The following RAB3GAP2 variants were observed in gnomAD, a reference collection of about 807,000 sequenced individuals.
RAB3GAP2 encodes rab3 GTPase-activating protein non-catalytic subunit.
A neutral mutation model predicts 185.3 loss-of-function variants in RAB3GAP2; 87 were observed. That is an observed-to-expected ratio of 0.47 (90% confidence interval 0.39 to 0.56). RAB3GAP2 has a LOEUF of 0.56. Ranked by LOEUF, RAB3GAP2 falls within the 20% of genes least tolerant of loss-of-function variation. The pLI is 0.00. For missense variants in RAB3GAP2, 1,492 were observed against 1,638.2 expected (o/e 0.91, Z 1.54); for synonymous variants, 554 against 576.1 (o/e 0.96, Z 0.55).
Position 220,232,863 on chromosome 1 carries a change from C to T in RAB3GAP2, c.116G>A (p.Ser39Asn), listed in dbSNP as rs750540547. 4 of 1,613,318 alleles carry T rather than the reference C, an allele frequency of 2.5e-6. No homozygotes were observed. In the African/African-American group the frequency reaches 5.3e-5, roughly 22 times the overall value. Residue 39 changes from serine to asparagine, a missense_variant and splice_region_variant, in exon 2 of 35, where the codon AGT becomes AAT. Transcript: ENST00000358951. The part of the protein sequence containing the change: ...ILSGALRRDP[S>N]KSTDWEDDGW... ...ATCATCTTCCCAGTCTGTTGATTTACCTGTTTTTAAAAAGATGAACAATGC... is the reference window on the plus strand; with the variant it reads ...ATCATCTTCCCAGTCTGTTGATTTATCTGTTTTTAAAAAGATGAACAATGC...
chr1:220,205,132 C>T (rs2102877241), intron 8 of RAB3GAP2, among the ~76,000 whole-genome samples: 1 of 152,202 alleles, frequency 6.6e-6, no homozygotes, highest in South Asian at 2.1e-4. Flanking sequence ...AGTTTTTCTT[C>T]TTAGTGGTAC....
At chr1:220,154,814 T>C (rs186974277) in intron 31 of RAB3GAP2, among the ~76,000 whole-genome samples, 8 of 150,204 alleles carry the variant, frequency 5.3e-5, no homozygotes, top group African/African-American at 2.0e-4. Context: ...TCCACCTTCC[T>C]GGTTCAAGCG....
chr1:220,170,836 G>T (rs1203807653), intron 24 of RAB3GAP2, 56 bp downstream of exon 24: 3 of 1,417,082 alleles, frequency 2.1e-6, no homozygotes, highest in Non-Finnish European at 2.0e-6. Context: ...TCTATTAAAA[G>T]AAACCCTCGT....
intron 1 of RAB3GAP2, chr1:220,267,310 G>A (rs772836849): frequency 9.8e-5 from 95 of 972,046 alleles, no homozygotes; most frequent in Admixed American, 2.0e-4. Flanking sequence ...GACTCTGGTG[G>A]CATCATGGAA....
At chr1:220,207,565 G>C (rs1470676072) in intron 7 of RAB3GAP2, 3 of 152,230 alleles carry the variant, frequency 2.0e-5, no homozygotes, top group African/African-American at 7.2e-5. Flanking sequence ...AAACCAGTGG[G>C]GAAGGGACAT....
rs1657707686 is a variant in RAB3GAP2, at chr1:220,149,661, A to G, written c.*1590T>C. On this transcript the variant is annotated 3_prime_UTR_variant, in exon 35 of 35. Transcript: ENST00000358951. ...CAAGCAGAGGCTGGGAGGTTGGACT[A>G]GCCCTTTCCAGTGCTGCTACTCTGT... 6.6e-6 allele frequency: 1 copy of G among 152,268 alleles called. No individual in the cohort carries two copies. The highest frequency in any genetic ancestry group is 6.5e-5 in the Admixed American group (1 of 15,278). The allele number at this position is 152,268 out of a possible 1,614,324, so 9.4% of individuals were successfully genotyped here.
rs1657712805 is a variant in RAB3GAP2, at chr1:220,149,849, C to T, written c.*1402G>A. On this transcript the variant is annotated 3_prime_UTR_variant, in exon 35 of 35. Coordinates refer to ENST00000358951, the MANE Select transcript of RAB3GAP2 (RefSeq NM_012414.4). ...GGATGTGCTCTTTTAGCTCAAAAAA[C>T]AGATTTGTTTTTCTTTTTATATCCC... The T allele has an allele frequency of 6.6e-6, 1 of 152,176 alleles. No individual in the cohort carries two copies. Among genetic ancestry groups the T allele is most frequent in the Non-Finnish European group, 1.5e-5 (1 of 68,020 alleles). The allele number at this position is 152,176 out of a possible 1,614,324, so 9.4% of individuals were successfully genotyped here. A position where few individuals can be genotyped will look rare whatever the true frequency, so the allele number is the denominator to read the frequency against.
intron 1 of RAB3GAP2, among the ~76,000 whole-genome samples, chr1:220,262,028 A>C (rs899519572): frequency 6.6e-6 from 1 of 151,650 alleles, no homozygotes; most frequent in Non-Finnish European, 1.5e-5. Context: ...GGTGGCTCAC[A>C]CCTGTAATCC....
At chr1:220,268,623 T>G (rs1044737434) in intron 1 of RAB3GAP2, among the ~76,000 whole-genome samples, 11 of 152,348 alleles carry the variant, frequency 7.2e-5, no homozygotes, top group Non-Finnish European at 1.3e-4. Flanking sequence ...TGTACAGGTT[T>G]TACAAAGGGG....
rs147513138 is a variant in RAB3GAP2, at chr1:220,152,101, A to C, written c.3868-337T>G. Among the ~76,000 whole-genome samples the C allele has an allele frequency of 4.6e-3, 693 of 152,012 alleles. 3 individuals are homozygous for C. The highest frequency in any genetic ancestry group is 0.016 in the African/African-American group (650 of 41,458). On this transcript the variant is annotated intron_variant, in intron 33 of 34. Transcript: ENST00000358951. ...TTTTTTTTGTTGTTTTTTGAGATGG[A>C]GTCTCACTCTGCCACCCAAGCTGGA...
rs1658614059 is a variant in RAB3GAP2, at chr1:220,191,272, G to T, written c.1283C>A (p.Ala428Glu). 3.7e-6 allele frequency: 6 copies of T among 1,607,152 alleles called. No homozygotes were observed. Among genetic ancestry groups the T allele is most frequent in the Non-Finnish European group, 4.2e-6 (5 of 1,177,388 alleles). The part of the protein sequence containing the change: ...AIRMWKGYRD[A>E]QIGWIQTVED... ...TACAGTTTGAATCCATCCAATTTGT[G>T]CGTCGCGGTACCCTTAGAGACAGAG... Residue 428 changes from alanine (A) to glutamate (E), a missense_variant, in exon 14 of 35, where the codon GCA becomes GAA. Physicochemically the swap from Ala to Glu is moderately radical, Grantham distance 107 (BLOSUM62 -1). Coordinates refer to ENST00000358951, the MANE Select transcript of RAB3GAP2 (RefSeq NM_012414.4).
intron 2 of RAB3GAP2, among the ~76,000 whole-genome samples, chr1:220,215,141 C>T (rs1037183874): frequency 8.6e-4 from 131 of 151,448 alleles, no homozygotes; most frequent in Non-Finnish European, 2.7e-4. Flanking sequence ...TATTGCTTAC[C>T]ATCTTTTGCT....
chr1:220,199,682 T>A (rs1465692872), intron 9 of RAB3GAP2, among the ~76,000 whole-genome samples: 1 of 152,100 alleles, frequency 6.6e-6, no homozygotes, highest in Non-Finnish European at 1.5e-5. Flanking sequence ...CTACCTTAAA[T>A]CTCTTCCTCT....
intron 27 of RAB3GAP2, among the ~76,000 whole-genome samples, chr1:220,163,773 A>G (rs954675356): frequency 4.1e-5 from 6 of 145,014 alleles, no homozygotes; most frequent in Admixed American, 1.4e-4. Context: ...ATATATATAT[A>G]GGATGAAGGT....
At chr1:220,238,582 CAT>C (rs1448108116) in intron 1 of RAB3GAP2, among the ~76,000 whole-genome samples, 1 of 152,194 alleles carries the variant, frequency 6.6e-6, no homozygotes, top group Admixed American at 6.5e-5. Flanking sequence ...GTGCCTGGCA[CAT>C]AGACACCCTT....
At chr1:220,217,056 A>C (rs1036751213) in intron 2 of RAB3GAP2, among the ~76,000 whole-genome samples, 2 of 152,158 alleles carry the variant, frequency 1.3e-5, no homozygotes, top group African/African-American at 4.8e-5. Flanking sequence ...TATAATAAAG[A>C]AAATGGAGTC....
rs1660251024 is a variant in RAB3GAP2 at position 220,267,539 on chromosome 1, G to C, written c.115+4684C>G. On this transcript the variant is annotated intron_variant, in intron 1 of 34. Transcript: ENST00000358951. ...ATTTCAAGGTCTTCCAAAGCCCATT[G>C]CCTCTTTTTGATTCTTCATTTTTCT... 12 of 1,356,348 alleles carry C rather than the reference G, an allele frequency of 8.8e-6. No homozygotes were observed. The South Asian group carries it at 1.4e-4, about 16-fold the overall frequency. The allele number at this position is 1,356,348 out of a possible 1,614,324, so 84.0% of individuals were successfully genotyped here.
chr1:220,199,952 CAG>C (rs1157308051), intron 9 of RAB3GAP2, among the ~76,000 whole-genome samples: 1 of 152,134 alleles, frequency 6.6e-6, no homozygotes, highest in Non-Finnish European at 1.5e-5. Flanking sequence ...ACCCAGCAAA[CAG>C]GGAGATATGT....
chr1:220,250,248 G>A (rs1264735759), intron 1 of RAB3GAP2, among the ~76,000 whole-genome samples: 1 of 152,206 alleles, frequency 6.6e-6, no homozygotes, highest in Non-Finnish European at 1.5e-5. Context: ...AGTGTGACAT[G>A]GACGTGAGAC....
Sources: gnomAD v4.1 joint callset for allele counts (sites outside exome capture counted in the v4.1 genomes callset) on GRCh38, gnomAD v4.1.1 for gene constraint, MANE v1.5 for transcripts, NCBI Gene and HGNC (gene_info 2026-07-23, HGNC 2026-07-21) for gene names.